Variants in BRSK1 observed in about 807,000 individuals in gnomAD.
BRSK1 encodes serine/threonine-protein kinase BRSK1.
BRSK1 carries 17 observed loss-of-function variants against 86.2 expected under a neutral mutation model. The observed-to-expected ratio is 0.20, with a 90% CI of 0.14 to 0.30. BRSK1 has a LOEUF of 0.30. Ranked by LOEUF, BRSK1 falls within the 10% of genes least tolerant of loss-of-function variation. The pLI is 1.00. For missense variants in BRSK1, 719 were observed against 1,071.9 expected, an observed-to-expected ratio of 0.67 and a Z score of 4.60; for synonymous variants, 464 against 440.1, an observed-to-expected ratio of 1.05 and a Z score of -0.68.
Position 55,303,003 on chromosome 19 carries a change from T to C in BRSK1, c.1028+136T>C, listed in dbSNP as rs2088595109. The C allele has an allele frequency of 2.4e-6, 3 of 1,225,906 alleles. No homozygotes were observed. Among genetic ancestry groups the C allele is most frequent in the Non-Finnish European group, 3.3e-6 (3 of 896,012 alleles). 75.9% of individuals were successfully genotyped at this position (1,225,906 alleles called of 1,614,324 possible). The stretch of plus-strand genomic sequence containing the variant: ...GTTTGAAGCTCCCGCCTGGGAGTGA[T>C]GGAACCAGCGGAGAAAACGGCCCAG... On this transcript the variant is annotated intron_variant, in intron 10 of 18. Coordinates refer to ENST00000309383, the MANE Select transcript of BRSK1 (RefSeq NM_032430.2). The surrounding 1 kb of genome is among the most constrained non-coding windows in gnomAD (Gnocchi z 5.1).
chr19:55,310,999 C>T lies in BRSK1; in HGVS notation c.2180-912C>T, dbSNP rs140097272. 5.7e-3 allele frequency among the ~76,000 whole-genome samples: 868 copies of T among 152,220 alleles called. 8 individuals carry two copies. Among genetic ancestry groups the T allele is most frequent in the African/African-American group, 0.02 (833 of 41,534 alleles). On this transcript the variant is annotated intron_variant, in intron 18 of 18. Transcript: ENST00000309383. The surrounding 1 kb of genome is among the most constrained non-coding windows in gnomAD (Gnocchi z 5.0). The stretch of plus-strand genomic sequence containing the variant: ...TTTTTGAGACAGAATCTCCCTCTGT[C>T]GCTCAGGCTGGAGTGCAGTGGCGCG...
chr19:55,307,566 A>T (rs960349322), intron 17 of BRSK1, among the ~76,000 whole-genome samples: 1 of 141,380 alleles, frequency 7.1e-6, no homozygotes, highest in African/African-American at 2.7e-5. Flanking sequence ...AAAAAAAAAA[A>T]GGCTAATATG....
chr19:55,297,958 A>G (rs942132663), intron 7 of BRSK1, among the ~76,000 whole-genome samples: 5 of 151,876 alleles, frequency 3.3e-5, no homozygotes, highest in African/African-American at 1.2e-4. Context: ...GACTACAGGC[A>G]CCTGCTACCA....
At chr19:55,286,193 G>A (rs1207876062) in intron 1 of BRSK1, among the ~76,000 whole-genome samples, 1 of 145,474 alleles carries the variant, frequency 6.9e-6, no homozygotes, top group Non-Finnish European at 1.5e-5. Context: ...GAGGGGCTGG[G>A]GTCTGGACTC....
rs923357522 is a variant in BRSK1 at position 55,303,554 on chromosome 19, A to T, written c.1127-113A>T. The T allele has an allele frequency of 4.0e-6, 6 of 1,490,092 alleles. No homozygotes were observed. The highest frequency in any genetic ancestry group is 5.5e-6 in the Non-Finnish European group (6 of 1,089,226). 92.3% of individuals were successfully genotyped at this position (1,490,092 alleles called of 1,614,324 possible). A position where few individuals can be genotyped will look rare whatever the true frequency, so the allele number is the denominator to read the frequency against. ...CTGCTTGACTTGCTCTTTGACATTT[A>T]TCAAATCCCCTCTCCACTCTAGGCC... On this transcript the variant is annotated intron_variant, in intron 11 of 18. Coordinates refer to ENST00000309383, the MANE Select transcript of BRSK1 (RefSeq NM_032430.2). The surrounding 1 kb of genome is among the most constrained non-coding windows in gnomAD (Gnocchi z 5.1).
chr19:55,302,293 C>G lies in BRSK1; in HGVS notation c.857+125C>G. Reference sequence around the variant, plus strand: ...AGAGGCAACGGGCTAGGGACTCGGACTTATGGGTCCTGGGGGAAGAGGACA... The same window carrying G: ...AGAGGCAACGGGCTAGGGACTCGGAGTTATGGGTCCTGGGGGAAGAGGACA... On this transcript the variant is annotated intron_variant, in intron 9 of 18. Transcript: ENST00000309383. This position sits in a 1 kb window ranked among gnomAD's most constrained non-coding sequence, Gnocchi z 6.3. The G allele has an allele frequency of 1.8e-6, 2 of 1,088,956 alleles. No individual in the cohort carries two copies. The highest frequency in any genetic ancestry group is 2.8e-6 in the Non-Finnish European group (2 of 705,606). The allele number at this position is 1,088,956 out of a possible 1,614,324, so 67.5% of individuals were successfully genotyped here.
rs932986947 is a variant in BRSK1, at chr19:55,294,888, G to A, written c.678+491G>A. ...GCAGTCTTGGCTCACTGCAACCTAC[G>A]CCGCCCGGGTTCAAGCTATTCTCCT... On this transcript the variant is annotated intron_variant, in intron 7 of 18. Transcript: ENST00000309383. The surrounding 1 kb of genome is among the most constrained non-coding windows in gnomAD (Gnocchi z 4.9). Among the ~76,000 whole-genome samples the A allele has an allele frequency of 2.0e-5, 3 of 150,916 alleles. No homozygotes were observed. Among genetic ancestry groups the A allele is most frequent in the African/African-American group, 4.9e-5 (2 of 40,954 alleles).
downstream of BRSK1, chr19:55,312,562 A>AT (rs2088832939): frequency 8.2e-6 from 2 of 245,194 alleles, no homozygotes; most frequent in Non-Finnish European, 1.5e-5. Flanking sequence ...AAAAAAAAAA[A>AT]GATAATAATA....
rs985289916 is a variant in BRSK1 at position 55,310,910 on chromosome 19, G to A, written c.2180-1001G>A. 8.5e-5 allele frequency among the ~76,000 whole-genome samples: 13 copies of A among 152,076 alleles called. No individual in the cohort carries two copies. The highest frequency in any genetic ancestry group is 3.1e-4 in the African/African-American group (13 of 41,402). On this transcript the variant is annotated intron_variant, in intron 18 of 18. Coordinates refer to ENST00000309383, the MANE Select transcript of BRSK1 (RefSeq NM_032430.2). The surrounding 1 kb of genome is among the most constrained non-coding windows in gnomAD (Gnocchi z 5.0). ...ACCATCTCATAAAGGAGAATGGGGT[G>A]GGGGGTGCAGGCCTCCGAGTCACCG...
Position 55,303,057 on chromosome 19 carries a change from C to T in BRSK1, c.1028+190C>T. On this transcript the variant is annotated intron_variant, in intron 10 of 18. Transcript: ENST00000309383. The surrounding 1 kb of genome is among the most constrained non-coding windows in gnomAD (Gnocchi z 5.1). The stretch of plus-strand genomic sequence containing the variant: ...CACGCTGAGAAAGTATTAATAGATG[C>T]TGCGACATAGTACTTACATATACAT... 2 of 698,204 alleles carry T rather than the reference C, an allele frequency of 2.9e-6. No individual in the cohort carries two copies. The highest frequency in any genetic ancestry group is 4.7e-6 in the Non-Finnish European group (2 of 426,636). The allele number at this position is 698,204 out of a possible 1,614,324, so 43.3% of individuals were successfully genotyped here.
chr19:55,290,193 A>G (rs112620433), intron 4 of BRSK1, among the ~76,000 whole-genome samples: 2,997 of 152,148 alleles, frequency 0.02, 67 homozygotes, highest in African/African-American at 0.06. Context: ...TCGGGGTTTC[A>G]CCATGTTGGC....
rs1484173056 is a variant in BRSK1, at chr19:55,302,437, G to A, written c.858-260G>A. 6.5e-6 allele frequency: 4 copies of A among 616,450 alleles called. No individual in the cohort carries two copies. Among genetic ancestry groups the A allele is most frequent in the Non-Finnish European group, 1.1e-5 (4 of 352,934 alleles). The allele number at this position is 616,450 out of a possible 1,614,324, so 38.2% of individuals were successfully genotyped here. On this transcript the variant is annotated intron_variant, in intron 9 of 18. Transcript: ENST00000309383. The surrounding 1 kb of genome is among the most constrained non-coding windows in gnomAD (Gnocchi z 6.3). ...GGACTCCTGGATCCGAGGGAGGAGG[G>A]GCTGGGGGCCTGGACTTCTGGGTCT...
chr19:55,299,741 GTT>G (rs2088543688), intron 7 of BRSK1, among the ~76,000 whole-genome samples: 1 of 152,000 alleles, frequency 6.6e-6, no homozygotes, highest in Non-Finnish European at 1.5e-5. Context: ...CATTATGTCC[GTT>G]TCACAGAGGA....
At position 55,284,498 on chromosome 19, in the gene BRSK1, A is replaced by ACCCCC; in HGVS notation, c.57_61dup (p.His21ProfsTer47). 6.2e-5 allele frequency: 25 copies of ACCCCC among 403,714 alleles called. No individual in the cohort carries two copies. The highest frequency in any genetic ancestry group is 9.2e-5 in the South Asian group (2 of 21,844). 25.0% of individuals were successfully genotyped at this position (403,714 alleles called of 1,614,324 possible). A position where few individuals can be genotyped will look rare whatever the true frequency, so the allele number is the denominator to read the frequency against. ...GGCTCTCCCGCCTACCACCTCCCCC[A>ACCCCC]CCCCCACCCCCACCCACCCCAGCAC... On this transcript the variant is annotated frameshift_variant, in exon 1 of 19. Transcript: ENST00000309383. LOFTEE classifies it high-confidence loss of function.
In BRSK1 at chr19:55,306,490, G is replaced by A; in HGVS notation, c.2089+40G>A. 1 of 1,601,582 alleles carries A rather than the reference G, an allele frequency of 6.2e-7. No homozygotes were observed. Among genetic ancestry groups the A allele is most frequent in the Non-Finnish European group, 8.5e-7 (1 of 1,175,972 alleles). ...TAGGCTGCCTGCAGCCCAGTGCTGG[G>A]ACTGTTCACGACAGCTGAGACAGTG... is the stretch of plus-strand genomic sequence containing the variant. On this transcript the variant is annotated intron_variant, in intron 17 of 18. Transcript: ENST00000309383. The surrounding 1 kb of genome is among the most constrained non-coding windows in gnomAD (Gnocchi z 4.7).
rs751858160 is a variant in BRSK1 at position 55,289,508 on chromosome 19, G to A, written c.346G>A (p.Gly116Ser). 1 of 1,613,930 alleles carries A rather than the reference G, an allele frequency of 6.2e-7. No homozygotes were observed. The highest frequency in any genetic ancestry group is 8.5e-7 in the Non-Finnish European group (1 of 1,179,940). ...CCTGGTTCTGGAGCACGTCTCGGGG[G>A]GTGAGCTATTCGACTACCTGGTAAA... Reference protein sequence around the residue: ...LYLVLEHVSGGELFDYLVKKG... With the variant: ...LYLVLEHVSGSELFDYLVKKG... The change falls in exon 4 of 19, where the codon GGT becomes AGT. Residue 116 changes from glycine (G) to serine (S), a missense_variant. Transcript: ENST00000309383.
In BRSK1 at chr19:55,295,992, C is replaced by T. The variant is rs187668621; in HGVS notation, c.678+1595C>T. 1.4e-4 allele frequency among the ~76,000 whole-genome samples: 22 copies of T among 152,114 alleles called. No homozygotes were observed. The East Asian group carries it at 4.1e-3, about 28-fold the overall frequency. On this transcript the variant is annotated intron_variant, in intron 7 of 18. Coordinates refer to ENST00000309383, the MANE Select transcript of BRSK1 (RefSeq NM_032430.2). ...TAAAAATATATATATATAGCCAGAT[C>T]GTAGGCTATCAGCCCTGCTCCTACC...
At position 55,308,742 on chromosome 19, in the gene BRSK1, CCGTGGGTGGTGGGGG is replaced by C; in HGVS notation, c.2179+15_2179+29del. The C allele has an allele frequency of 1.4e-6, 2 of 1,385,340 alleles. No homozygotes were observed. The highest frequency in any genetic ancestry group is 9.6e-7 in the Non-Finnish European group (1 of 1,041,068). The allele number at this position is 1,385,340 out of a possible 1,614,324, so 85.8% of individuals were successfully genotyped here. On this transcript the variant is annotated intron_variant, in intron 18 of 18. Coordinates refer to ENST00000309383, the MANE Select transcript of BRSK1 (RefSeq NM_032430.2). The stretch of plus-strand genomic sequence containing the variant: ...AGGCCCTGGCAGGTGGGTGGTGGGG[CCGTGGGTGGTGGGGG>C]GCGTGGGTGGCGGGGGCCGTGGGTG...
chr19:55,305,051 G>C, intron 14 of BRSK1, 131 bp downstream of exon 14: 1 of 1,392,302 alleles, frequency 7.2e-7, no homozygotes, highest in East Asian at 2.4e-5. Context: ...TTCTAGAGAA[G>C]AGGGGGTTTG....
Sources: allele counts gnomAD v4.1 joint callset (sites outside exome capture counted in the v4.1 genomes callset), GRCh38; gene constraint gnomAD v4.1.1; non-coding constraint Gnocchi (gnomAD v3.1); transcripts MANE v1.5; gene names NCBI Gene and HGNC (gene_info 2026-07-23, HGNC 2026-07-21).